SEL1L2: variants seen among roughly 807,000 people sequenced by gnomAD.
The protein encoded by SEL1L2 is protein sel-1 homolog 2.
Under a neutral mutation model 98.8 loss-of-function variants are expected in SEL1L2, and 89 were observed. The ratio of observed to expected loss-of-function variants is 0.90; its 90% CI spans 0.76 to 1.07. The LOEUF (loss-of-function observed/expected upper bound fraction) is 1.07. Ranked by LOEUF, SEL1L2 falls within the 50% of genes least tolerant of loss-of-function variation. The pLI is 0.00. For synonymous variants in SEL1L2, 262 were observed against 278.5 expected, an observed-to-expected ratio of 0.94 and a Z score of 0.59; for missense variants, 788 against 812.0, an observed-to-expected ratio of 0.97 and a Z score of 0.36.
At chr20:13,849,745 T>G (rs368544890) in intron 19 of SEL1L2, 141 bp from the exon 20 acceptor site, 6 of 923,498 alleles carry the variant, frequency 6.5e-6, no homozygotes, top group East Asian at 2.6e-5. Context: ...AGACACAATC[T>G]TCGCTTGCTT....
intron 19 of SEL1L2, 104 bp downstream of exon 19, chr20:13,850,087 A>G (rs776947925): frequency 3.7e-6 from 5 of 1,344,092 alleles, no homozygotes; most frequent in Non-Finnish European, 5.2e-6. Context: ...TCTCAAAGGA[A>G]AGCCAGTCCA....
At chr20:13,937,335 T>G (rs988168499) in intron 2 of SEL1L2, among the ~76,000 whole-genome samples, 3 of 152,314 alleles carry the variant, frequency 2.0e-5, no homozygotes, top group South Asian at 4.1e-4. Context: ...CAGATGCTTT[T>G]GTGCAGATGA....
In SEL1L2 at chr20:13,920,933, C is replaced by G. The variant is rs147995991; in HGVS notation, c.284-1810G>C. Among the ~76,000 whole-genome samples the G allele has an allele frequency of 3.1e-3, 465 of 152,242 alleles. 2 individuals carry two copies. Among genetic ancestry groups the G allele is most frequent in the Middle Eastern group, 6.8e-3 (2 of 294 alleles). On this transcript the variant is annotated intron_variant, in intron 3 of 19. Transcript: ENST00000284951. ...TAGTAATACCAGGCACTTTCAGGATCTAATTTCTGCTCTGAGTTATCTGTT... is the reference window on the plus strand; with the variant it reads ...TAGTAATACCAGGCACTTTCAGGATGTAATTTCTGCTCTGAGTTATCTGTT...
chr20:13,956,000 T>G, intron 2 of SEL1L2, 76 bp downstream of exon 2: 2 of 762,714 alleles, frequency 2.6e-6, no homozygotes, highest in Non-Finnish European at 2.3e-6. Context: ...TTAATAATTC[T>G]GAGTATCCTG....
At chr20:13,944,775 T>C (rs2049937164) in intron 2 of SEL1L2, among the ~76,000 whole-genome samples, 1 of 152,206 alleles carries the variant, frequency 6.6e-6, no homozygotes, top group Admixed American at 6.5e-5. Flanking sequence ...TACAAAGCGT[T>C]TTGCTAAATG....
intron 1 of SEL1L2, among the ~76,000 whole-genome samples, chr20:13,956,684 C>CT (rs34155207): frequency 6.6e-6 from 1 of 151,862 alleles, no homozygotes; most frequent in Non-Finnish European, 1.5e-5. Context: ...AATTTTAATA[C>CT]TTTTTTTTAT....
intron 1 of SEL1L2, among the ~76,000 whole-genome samples, chr20:13,964,700 C>T (rs1214882852): frequency 1.3e-5 from 2 of 151,948 alleles, no homozygotes; most frequent in African/African-American, 2.4e-5. Context: ...GTGATCCATG[C>T]GCCTCGGCTT....
At chr20:13,901,053 TTTTCTTTTTC>T (rs1401713484) in intron 5 of SEL1L2, among the ~76,000 whole-genome samples, 2 of 151,582 alleles carry the variant, frequency 1.3e-5, no homozygotes, top group East Asian at 3.9e-4. Context: ...TTCCTTTTCT[TTTTCTTTTTC>T]TTTCTTTCTT....
intron 14 of SEL1L2, 75 bp from the exon 15 acceptor site, chr20:13,866,925 C>G: frequency 1.5e-6 from 2 of 1,307,832 alleles, no homozygotes; most frequent in Non-Finnish European, 2.0e-6. Flanking sequence ...ATATAATAGT[C>G]ATAGTGATGC....
At chr20:13,984,363 T>C (rs1409398216) in intron 1 of SEL1L2, among the ~76,000 whole-genome samples, 2 of 152,174 alleles carry the variant, frequency 1.3e-5, no homozygotes, top group Non-Finnish European at 2.9e-5. Flanking sequence ...CCTGGAAACA[T>C]AAAAATTCTC....
At chr20:13,932,432 A>AT (rs1215586119) in intron 2 of SEL1L2, among the ~76,000 whole-genome samples, 2 of 148,400 alleles carry the variant, frequency 1.3e-5, no homozygotes, top group Non-Finnish European at 1.5e-5. Context: ...TATTATTATT[A>AT]TTATTATTAT....
intron 12 of SEL1L2, among the ~76,000 whole-genome samples, chr20:13,871,508 C>G (rs948180210): frequency 1.3e-5 from 2 of 151,712 alleles, no homozygotes; most frequent in African/African-American, 4.8e-5. Context: ...GATTGACCAC[C>G]TGACTTTCTT....
chr20:13,891,812 T>G (rs1223969790), intron 5 of SEL1L2, among the ~76,000 whole-genome samples: 1 of 152,038 alleles, frequency 6.6e-6, no homozygotes, highest in African/African-American at 2.4e-5. Context: ...AGACCTGCTT[T>G]GAAGGAATTG....
At chr20:13,859,514 T>G in intron 17 of SEL1L2, 80 bp from the exon 18 acceptor site, 1 of 1,257,846 alleles carries the variant, frequency 8.0e-7, no homozygotes, top group Non-Finnish European at 1.1e-6. Context: ...CTAGTAATCT[T>G]GTTTCAGTCC....
At chr20:13,965,768 C>A (rs1020855388) in intron 1 of SEL1L2, among the ~76,000 whole-genome samples, 4 of 152,044 alleles carry the variant, frequency 2.6e-5, no homozygotes, top group African/African-American at 9.7e-5. Context: ...TCCTGGCCAA[C>A]ATGGTGAAAC....
chr20:13,886,332 G>C lies in SEL1L2; in HGVS notation c.856C>G (p.Gln286Glu). The part of the protein sequence containing the change: ...NSEILDWDIY[Q>E]YYKFLAERGD... ...CTTTCTGCCAAAAATTTATAGTATT[G>C]GTATATGTCCCAATCCAAAATCTCA... Residue 286 changes from glutamine (Q) to glutamate (E), a missense_variant, in exon 9 of 20, where the codon CAA (glutamine) becomes GAA (glutamate). By Grantham distance (29) the Gln-to-Glu change is conservative (BLOSUM62 2). Transcript: ENST00000284951. 1 of 1,612,420 alleles carries C rather than the reference G, an allele frequency of 6.2e-7. No individual in the cohort carries two copies. The highest frequency in any genetic ancestry group is 1.1e-5 in the South Asian group (1 of 90,972).
chr20:13,858,169 C>T (rs1041456946), intron 18 of SEL1L2, among the ~76,000 whole-genome samples: 18 of 152,110 alleles, frequency 1.2e-4, no homozygotes, highest in African/African-American at 3.9e-4. Context: ...GAATAAGAAG[C>T]CCTTGGCTTC....
chr20:13,981,409 G>A (rs917976861), intron 1 of SEL1L2, among the ~76,000 whole-genome samples: 2 of 152,122 alleles, frequency 1.3e-5, no homozygotes, highest in Non-Finnish European at 2.9e-5. Context: ...AGTTAATAAC[G>A]TATTCTGTAT....
At chr20:13,922,082 A>G (rs2048689440) in intron 3 of SEL1L2, among the ~76,000 whole-genome samples, 1 of 152,216 alleles carries the variant, frequency 6.6e-6, no homozygotes, top group Non-Finnish European at 1.5e-5. Flanking sequence ...TTCATGAACC[A>G]TATTTCTTTC....
Sources: gnomAD v4.1 joint callset for allele counts (sites outside exome capture counted in the v4.1 genomes callset) on GRCh38, gnomAD v4.1.1 for gene constraint, MANE v1.5 for transcripts, NCBI Gene and HGNC (gene_info 2026-07-23, HGNC 2026-07-21) for gene names.